Variants in RAD51AP1 observed in about 807,000 individuals in gnomAD.
RAD51AP1 encodes RAD51-associated protein 1.
RAD51AP1 carries 14 observed loss-of-function variants against 34.3 expected under a neutral mutation model. The ratio of observed to expected loss-of-function variants is 0.41; its 90% CI spans 0.27 to 0.64. The LOEUF (loss-of-function observed/expected upper bound fraction) is 0.64. Among genes scored for constraint, RAD51AP1 ranks in the 30% least tolerant of loss-of-function variants. The pLI, the probability that RAD51AP1 is intolerant of heterozygous loss-of-function variation, is 0.33. For missense variants in RAD51AP1, 348 were observed against 386.9 expected (o/e 0.90, Z 0.84); for synonymous variants, 114 against 129.8 (o/e 0.88, Z 0.83).
chr12:4,552,610 G>GAAGTA (rs1944554266), intron 6 of RAD51AP1, among the ~76,000 whole-genome samples: 1 of 152,204 alleles, frequency 6.6e-6, no homozygotes, highest in South Asian at 2.1e-4. Flanking sequence ...GGTAAAATCT[G>GAAGTA]AAGTAAAGAT....
chr12:4,559,024 GA>G lies in RAD51AP1; in HGVS notation c.*33del, dbSNP rs765831012. On this transcript the variant is annotated 3_prime_UTR_variant, in exon 9 of 9. Transcript: ENST00000352618. ...GTACAGGAGGAATGTTTGGTTGGGA[GA>G]ATCACAGCTTTACAAGGGTGTTTAT... is the stretch of plus-strand genomic sequence containing the variant. 5.6e-6 allele frequency: 9 copies of G among 1,608,360 alleles called. No homozygotes were observed. The African/African-American group carries it at 1.1e-4, about 19-fold the overall frequency.
chr12:4,545,370 A>T (rs986697840), intron 3 of RAD51AP1: 1 of 337,518 alleles, frequency 3.0e-6, no homozygotes, highest in Non-Finnish European at 5.9e-6. Context: ...AATCCATAGA[A>T]ACGGAAAGCA....
chr12:4,546,437 T>G lies in RAD51AP1; in HGVS notation c.319+19T>G. Reference sequence around the variant, plus strand: ...GATAAAAGTAACTTTATTTTCTGTATATTTAGCTTTAAAACCTTCTTAATG... The same window carrying G: ...GATAAAAGTAACTTTATTTTCTGTAGATTTAGCTTTAAAACCTTCTTAATG... On this transcript the variant is annotated intron_variant, in intron 4 of 8. Coordinates refer to ENST00000352618, the MANE Select transcript of RAD51AP1 (RefSeq NM_006479.5). 1 of 1,535,948 alleles carries G rather than the reference T, an allele frequency of 6.5e-7. No homozygotes were observed. The highest frequency in any genetic ancestry group is 9.0e-7 in the Non-Finnish European group (1 of 1,114,902).
At chr12:4,547,246 G>A (rs976045242) in intron 4 of RAD51AP1, among the ~76,000 whole-genome samples, 2 of 151,774 alleles carry the variant, frequency 1.3e-5, no homozygotes, top group African/African-American at 4.8e-5. Flanking sequence ...TTTTTATTTT[G>A]TAGAGAGGGG....
Position 4,548,800 on chromosome 12 carries a change from G to A in RAD51AP1, c.520G>A (p.Asp174Asn). The stretch of plus-strand genomic sequence containing the variant: ...GATTCTTCTGGAAGGCAGTGATGGT[G>A]ATAGTGCTAATGACACTGAACCAGA... ...RKILLEGSDG[D>N]SANDTEPDFA... The change falls in exon 6 of 9, where the codon GAT (aspartate) becomes AAT (asparagine). Residue 174 changes from aspartate (D) to asparagine (N), a missense_variant. By Grantham distance (23) the Asp-to-Asn change is conservative (BLOSUM62 1). Transcript: ENST00000352618. The A allele has an allele frequency of 6.2e-7, 1 of 1,614,096 alleles. No individual in the cohort carries two copies. Among genetic ancestry groups the A allele is most frequent in the East Asian group, 2.2e-5 (1 of 44,882 alleles).
intron 6 of RAD51AP1, chr12:4,550,593 T>C (rs1172757934): frequency 6.6e-6 from 1 of 152,310 alleles, no homozygotes; most frequent in Non-Finnish European, 1.5e-5. Flanking sequence ...AATGATAGAA[T>C]AAGGACATTG....
At chr12:4,558,626 G>A (rs1944599161) in intron 8 of RAD51AP1, among the ~76,000 whole-genome samples, 1 of 152,018 alleles carries the variant, frequency 6.6e-6, no homozygotes, top group Non-Finnish European at 1.5e-5. Flanking sequence ...CAGCTTTCAT[G>A]GTGAGGTTTT....
intron 7 of RAD51AP1, 60 bp downstream of exon 7, chr12:4,553,207 A>G: frequency 7.5e-7 from 1 of 1,337,726 alleles, no homozygotes; most frequent in Non-Finnish European, 1.0e-6. Context: ...TGTTTGCCGT[A>G]TTTTTCTTAT....
intron 3 of RAD51AP1, 111 bp downstream of exon 3, chr12:4,544,015 AT>A: frequency 1.2e-6 from 1 of 844,590 alleles, no homozygotes; most frequent in Non-Finnish European, 1.7e-6. Context: ...CATAGGTCTT[AT>A]TTTACTAGGT....
intron 7 of RAD51AP1, among the ~76,000 whole-genome samples, chr12:4,553,533 C>T (rs1199079651): frequency 6.6e-6 from 1 of 152,090 alleles, no homozygotes; most frequent in Non-Finnish European, 1.5e-5. Flanking sequence ...TATCTTGGAC[C>T]ATATTTTCTC....
chr12:4,552,629 G>GA (rs1944554385), intron 6 of RAD51AP1, among the ~76,000 whole-genome samples: 3 of 152,174 alleles, frequency 2.0e-5, no homozygotes, highest in Non-Finnish European at 4.4e-5. Context: ...ATTACTGATG[G>GA]GAAATTTATA....
chr12:4,553,063 A>G lies in RAD51AP1; in HGVS notation c.637A>G (p.Lys213Glu). Residue 213 changes from lysine (K) to glutamate (E), a missense_variant, in exon 7 of 9, where the codon AAA (lysine) becomes GAA (glutamate). Coordinates refer to ENST00000352618, the MANE Select transcript of RAD51AP1 (RefSeq NM_006479.5). ...CTTCTCTATGAGAAAAAGTAAAGTTAAAGAAATTAAAAAGAAAGAAGTGAA... is the reference window on the plus strand; with the variant it reads ...CTTCTCTATGAGAAAAAGTAAAGTTGAAGAAATTAAAAAGAAAGAAGTGAA... ...EDFSMRKSKV[K>E]EIKKKEVKVK... is the part of the protein sequence containing the mutation. 1.9e-6 allele frequency: 3 copies of G among 1,606,582 alleles called. No individual in the cohort carries two copies. The highest frequency in any genetic ancestry group is 2.5e-6 in the Non-Finnish European group (3 of 1,176,738).
At chr12:4,556,297 A>T in intron 7 of RAD51AP1, 56 bp from the exon 8 acceptor site, 1 of 1,306,402 alleles carries the variant, frequency 7.7e-7, no homozygotes, top group Non-Finnish European at 1.1e-6. Context: ...CATATATGCT[A>T]GACTTACTTT....
rs1480503761 is a variant in RAD51AP1, at chr12:4,546,469, T to A, written c.319+51T>A. On this transcript the variant is annotated intron_variant, in intron 4 of 8. Coordinates refer to ENST00000352618, the MANE Select transcript of RAD51AP1 (RefSeq NM_006479.5). Reference sequence around the variant, plus strand: ...CTTTAAAACCTTCTTAATGCTTTTGTGATTATTTGTTTGGGTGGGCCTTCA... The same window carrying A: ...CTTTAAAACCTTCTTAATGCTTTTGAGATTATTTGTTTGGGTGGGCCTTCA... 3.7e-6 allele frequency: 5 copies of A among 1,364,348 alleles called. No homozygotes were observed. In the East Asian group the frequency reaches 1.2e-4, roughly 31 times the overall value. 84.5% of individuals were successfully genotyped at this position (1,364,348 alleles called of 1,614,324 possible). A position where few individuals can be genotyped will look rare whatever the true frequency, so the allele number is the denominator to read the frequency against.
chr12:4,553,245 C>T (rs1944559394), intron 7 of RAD51AP1, 98 bp downstream of exon 7: 1 of 1,057,460 alleles, frequency 9.5e-7, no homozygotes, highest in African/African-American at 1.6e-5. Context: ...TTAACATTTT[C>T]CTAACGTCCA....
At chr12:4,545,484 T>G (rs1944499424) in intron 3 of RAD51AP1, among the ~76,000 whole-genome samples, 1 of 152,186 alleles carries the variant, frequency 6.6e-6, no homozygotes, top group Admixed American at 6.5e-5. Flanking sequence ...TTAGGTAGTG[T>G]TGGTGGTTTT....
Position 4,553,103 on chromosome 12 carries a change from T to C in RAD51AP1, c.677T>C (p.Val226Ala). ...AAAGAAGTGAAGGTAAAATCCCCAG[T>C]AGAAAAGAAAGAGAAGAAATCTAAA... ...KKKEVKVKSP[V>A]EKKEKKSKSK... Residue 226 changes from valine to alanine, a missense_variant, in exon 7 of 9, where the codon GTA becomes GCA. Val to Ala is a moderately conservative substitution (Grantham distance 64). Transcript: ENST00000352618. 2 of 1,601,074 alleles carry C rather than the reference T, an allele frequency of 1.2e-6. No homozygotes were observed. Among genetic ancestry groups the C allele is most frequent in the Non-Finnish European group, 1.7e-6 (2 of 1,175,732 alleles).
intron 6 of RAD51AP1, 31 bp downstream of exon 6, chr12:4,548,867 T>TA: frequency 1.2e-6 from 2 of 1,601,346 alleles, no homozygotes; most frequent in South Asian, 1.1e-5. Context: ...AAATTAATTC[T>TA]ATGGGAATTC....
chr12:4,542,056 G>T, intron 2 of RAD51AP1, 123 bp downstream of exon 2: 2 of 466,332 alleles, frequency 4.3e-6, no homozygotes, highest in South Asian at 5.6e-5. Context: ...GGTCTGGAAA[G>T]ATAGTTTTCT....
Sources: allele counts gnomAD v4.1 joint callset (sites outside exome capture counted in the v4.1 genomes callset), GRCh38; gene constraint gnomAD v4.1.1; transcripts MANE v1.5; gene names NCBI Gene and HGNC (gene_info 2026-07-23, HGNC 2026-07-21).